CASZ1: variants seen among roughly 807,000 people sequenced by gnomAD.
CASZ1 encodes castor zinc finger 1, also known as zinc finger protein castor homolog 1.
Under a neutral mutation model 135.2 loss-of-function variants are expected in CASZ1, and 28 were observed. That is an observed-to-expected ratio of 0.21 (90% CI 0.15 to 0.28). The LOEUF is 0.28. Ranked by LOEUF, CASZ1 falls within the 10% of genes least tolerant of loss-of-function variation. CASZ1 has a pLI of 1.00. For missense variants in CASZ1, 2,161 were observed against 2,453.3 expected, an observed-to-expected ratio of 0.88 and a Z score of 2.52; for synonymous variants, 1,068 against 1,073.4, an observed-to-expected ratio of 0.99 and a Z score of 0.10.
intron 1 of CASZ1, among the ~76,000 whole-genome samples, chr1:10,789,219 G>T (rs1289838566): frequency 7.8e-6 from 1 of 127,880 alleles, no homozygotes; most frequent in Non-Finnish European, 1.6e-5. Context: ...TCCTAGCAAA[G>T]CCCCCTATCT....
At chr1:10,760,043 C>G (rs1166035875) in intron 2 of CASZ1, among the ~76,000 whole-genome samples, 2 of 152,228 alleles carry the variant, frequency 1.3e-5, no homozygotes, top group African/African-American at 4.8e-5. Flanking sequence ...ACAGTACCAG[C>G]TCCACAGACT....
intron 1 of CASZ1, among the ~76,000 whole-genome samples, chr1:10,791,747 GAGA>G (rs1320572240): frequency 2.3e-4 from 5 of 21,290 alleles, no homozygotes; most frequent in Admixed American, 1.3e-3. Flanking sequence ...AAGAGGGGGA[GAGA>G]GAGAGAGAGA....
At position 10,656,645 on chromosome 1, in the gene CASZ1, C is replaced by G; in HGVS notation, c.1500+1G>C. ...CGGAGCCCATCTGGCTGTGGCCGTA[C>G]CTGGTAGTTACACTCAGGGTCAAGG... is the stretch of plus-strand genomic sequence containing the variant. On this transcript the variant is annotated splice_donor_variant, in intron 8 of 20. Coordinates refer to ENST00000377022, the MANE Select transcript of CASZ1 (RefSeq NM_001079843.3). LOFTEE classifies it high-confidence loss of function. 1.3e-6 allele frequency: 2 copies of G among 1,593,446 alleles called. No individual in the cohort carries two copies. The highest frequency in any genetic ancestry group is 8.5e-7 in the Non-Finnish European group (1 of 1,170,124).
chr1:10,695,145 G>A (rs1200335714), intron 3 of CASZ1, among the ~76,000 whole-genome samples: 1 of 151,370 alleles, frequency 6.6e-6, no homozygotes, highest in East Asian at 2.0e-4. Flanking sequence ...AGCACTGGCG[G>A]CTTCTGGAGC....
chr1:10,703,357 C>T (rs1371125294), intron 3 of CASZ1, among the ~76,000 whole-genome samples: 1 of 152,172 alleles, frequency 6.6e-6, no homozygotes, highest in Non-Finnish European at 1.5e-5. Flanking sequence ...CTCAGCCAGA[C>T]TGCAGCCTGG....
intron 2 of CASZ1, among the ~76,000 whole-genome samples, chr1:10,743,958 C>A (rs1052307822): frequency 1.3e-5 from 2 of 152,056 alleles, no homozygotes; most frequent in Middle Eastern, 3.4e-3. Flanking sequence ...AAAATCCAGC[C>A]GCCTCAGGGG....
At position 10,709,166 on chromosome 1, in the gene CASZ1, C is replaced by T. The variant is rs1639234640; in HGVS notation, c.-76-3622G>A. ...CCTCTCACCCACAGCTGCCCAGCTC[C>T]ATATTTATGAAGCACCAGGCCAGGC... is the stretch of plus-strand genomic sequence containing the variant. On this transcript the variant is annotated intron_variant, in intron 2 of 20. Transcript: ENST00000377022. The surrounding 1 kb of genome is among the most constrained non-coding windows in gnomAD (Gnocchi z 5.1). Among the ~76,000 whole-genome samples the T allele has an allele frequency of 6.6e-6, 1 of 152,142 alleles. No homozygotes were observed. Among genetic ancestry groups the T allele is most frequent in the African/African-American group, 2.4e-5 (1 of 41,420 alleles).
In CASZ1 at chr1:10,683,317, C is replaced by G. The variant is rs181590704; in HGVS notation, c.16+10557G>C. Among the ~76,000 whole-genome samples, 42 of 152,240 alleles carry G rather than the reference C, an allele frequency of 2.8e-4. No individual in the cohort carries two copies. The East Asian group carries it at 5.2e-3, about 19-fold the overall frequency. On this transcript the variant is annotated intron_variant, in intron 4 of 20. Transcript: ENST00000377022. Reference sequence around the variant, plus strand: ...ACTGGGAAAGAAGCTGGTTCACTCTCAGATTACAACCAAGCAAAGACCTGG... The same window carrying G: ...ACTGGGAAAGAAGCTGGTTCACTCTGAGATTACAACCAAGCAAAGACCTGG...
At position 10,790,552 on chromosome 1, in the gene CASZ1, C is replaced by G. The variant is rs117799067; in HGVS notation, c.-234+6012G>C. On this transcript the variant is annotated intron_variant, in intron 1 of 20. Coordinates refer to ENST00000377022, the MANE Select transcript of CASZ1 (RefSeq NM_001079843.3). The stretch of plus-strand genomic sequence containing the variant: ...GAGTCTCAGCATCAGACTGGCTCGG[C>G]CTTCTCTTCTCCTCTTCAGAAACAA... Among the ~76,000 whole-genome samples the G allele has an allele frequency of 1.7e-3, 264 of 152,276 alleles. 10 individuals carry two copies. In the East Asian group the frequency reaches 0.046, roughly 26 times the overall value.
intron 13 of CASZ1, chr1:10,649,925 C>T (rs558779074): frequency 4.7e-4 from 65 of 138,618 alleles, no homozygotes; most frequent in Non-Finnish European, 6.4e-4. Flanking sequence ...CTTGCTGCAG[C>T]GGCCGGGAGG....
At chr1:10,718,696 C>G (rs932604599) in intron 2 of CASZ1, among the ~76,000 whole-genome samples, 1 of 152,212 alleles carries the variant, frequency 6.6e-6, no homozygotes, top group Non-Finnish European at 1.5e-5. Context: ...GGAGACCCTG[C>G]CGGAGTCCTG....
chr1:10,664,818 C>T (rs1332872950), intron 5 of CASZ1, among the ~76,000 whole-genome samples: 1 of 148,430 alleles, frequency 6.7e-6, no homozygotes, highest in Non-Finnish European at 1.5e-5. Context: ...ATCCCTCCCT[C>T]CCTCCCTCCC....
At position 10,755,252 on chromosome 1, in the gene CASZ1, G is replaced by A. The variant is rs1640229074; in HGVS notation, c.-77+5449C>T. ...TTCACCTGGACCAGGCTTATCCCTG[G>A]GTAGATTCCAGAACAAAAGCACATG... On this transcript the variant is annotated intron_variant, in intron 2 of 20. Transcript: ENST00000377022. This position sits in a 1 kb window ranked among gnomAD's most constrained non-coding sequence, Gnocchi z 4.3. Among the ~76,000 whole-genome samples, 1 of 152,304 alleles carries A rather than the reference G, an allele frequency of 6.6e-6. No homozygotes were observed. Among genetic ancestry groups the A allele is most frequent in the East Asian group, 1.9e-4 (1 of 5,176 alleles).
intron 2 of CASZ1, among the ~76,000 whole-genome samples, chr1:10,705,920 C>T (rs1369911559): frequency 2.0e-5 from 3 of 152,244 alleles, no homozygotes; most frequent in East Asian, 1.9e-4. Context: ...GGAGCTGCAG[C>T]GGCCTAGCAG....
rs768615741 is a variant in CASZ1 at position 10,660,447 on chromosome 1, C to T, written c.595G>A (p.Glu199Lys). ...FGYDDQNTRD[E>K]LARKISFEKL... is the part of the protein sequence containing the mutation. The stretch of plus-strand genomic sequence containing the variant: ...TCAAAGCTGATCTTCCTGGCCAGCT[C>T]GTCCCGCGTGTTCTGGTCATCATAG... The change falls in exon 6 of 21, where the codon GAG becomes AAG. Residue 199 changes from glutamate to lysine, a missense_variant. By Grantham distance (56) the Glu-to-Lys change is moderately conservative (BLOSUM62 1). Coordinates refer to ENST00000377022, the MANE Select transcript of CASZ1 (RefSeq NM_001079843.3). The T allele has an allele frequency of 1.5e-5, 24 of 1,614,022 alleles. No homozygotes were observed. Among genetic ancestry groups the T allele is most frequent in the Admixed American group, 6.7e-5 (4 of 60,004 alleles).
chr1:10,664,753 CCCA>C (rs1167605328), intron 5 of CASZ1, among the ~76,000 whole-genome samples: 1 of 152,128 alleles, frequency 6.6e-6, no homozygotes, highest in Non-Finnish European at 1.5e-5. Context: ...GAGTCACCTG[CCCA>C]CCATCTGTCC....
intron 2 of CASZ1, among the ~76,000 whole-genome samples, chr1:10,753,517 T>C (rs1640187119): frequency 6.6e-6 from 1 of 152,204 alleles, no homozygotes; most frequent in Non-Finnish European, 1.5e-5. Flanking sequence ...GCTAATCCCC[T>C]GGGTGGCTCC....
chr1:10,793,398 A>G (rs1640998922), intron 1 of CASZ1, among the ~76,000 whole-genome samples: 1 of 152,140 alleles, frequency 6.6e-6, no homozygotes, highest in African/African-American at 2.4e-5. Flanking sequence ...AAGGAAATAA[A>G]ATGCGCCGAG....
rs1340486321 is a variant in CASZ1, at chr1:10,721,831, T to C, written c.-76-16287A>G. On this transcript the variant is annotated intron_variant, in intron 2 of 20. Transcript: ENST00000377022. The surrounding 1 kb of genome is among the most constrained non-coding windows in gnomAD (Gnocchi z 5.4). ...GGAGGCCAACTGCCTTTTTGCTGCC[T>C]GACCTGCCTGCTAGGAAGCAGAGGC... Among the ~76,000 whole-genome samples, 4 of 152,208 alleles carry C rather than the reference T, an allele frequency of 2.6e-5. No homozygotes were observed. The highest frequency in any genetic ancestry group is 9.7e-5 in the African/African-American group (4 of 41,448).
Sources: gnomAD v4.1 joint callset for allele counts (sites outside exome capture counted in the v4.1 genomes callset) on GRCh38, gnomAD v4.1.1 for gene constraint, Gnocchi (gnomAD v3.1) non-coding constraint, MANE v1.5 for transcripts, NCBI Gene and HGNC (gene_info 2026-07-23, HGNC 2026-07-21) for gene names.